Variants in NHSL2 observed in about 807,000 individuals in gnomAD.
The protein encoded by NHSL2 is NHS-like protein 2.
A neutral mutation model predicts 53.4 loss-of-function variants in NHSL2; 27 were observed. That is an observed-to-expected ratio of 0.51 (90% CI 0.37 to 0.70). The LOEUF (loss-of-function observed/expected upper bound fraction) is 0.70, where lower values mean the gene tolerates loss of function less well. NHSL2 is among the 30% of genes least tolerant of loss of function. The pLI, the probability that NHSL2 is intolerant of heterozygous loss-of-function variation, is 0.00. For missense variants in NHSL2, 892 were observed against 980.1 expected (o/e 0.91, Z 1.20); for synonymous variants, 408 against 404.1 (o/e 1.01, Z -0.12).
intron 1 of NHSL2, among the ~76,000 whole-genome samples, chrX:72,094,516 T>TA (rs1317398736): frequency 1.6e-4 from 16 of 102,170 alleles, no homozygotes; most frequent in African/African-American, 1.4e-4. Context: ...GTTCGTCATC[T>TA]AAAAAAAAAA....
rs372339206 is a variant in NHSL2, at chrX:72,139,282, C to G, written c.1734C>G (p.Val578=). 3.1e-5 allele frequency: 37 copies of G among 1,201,786 alleles called. No homozygotes were observed. The highest frequency in any genetic ancestry group is 4.0e-5 in the Non-Finnish European group (36 of 890,860). ...CACCCACACGCAGTGTCTCACTGGT[C>G]AAAGATGAGCCAGGCCTCTTGCCTG... ...PSPPTRSVSL[V]KDEPGLLPEG... is the part of the protein sequence containing the mutation. Residue 578 remains valine (V), a synonymous_variant, in exon 6 of 8, where the codon GTC becomes GTG. Transcript: ENST00000633930.
At chrX:71,952,745 G>A (rs73559851) in intron 1 of NHSL2, among the ~76,000 whole-genome samples, 2,625 of 110,741 alleles carry the variant, frequency 0.024, 62 homozygotes, top group African/African-American at 0.082. Flanking sequence ...TAGCAGACAC[G>A]TGTCTTCAGT....
chrX:72,055,204 C>T (rs1261075326), intron 1 of NHSL2, among the ~76,000 whole-genome samples: 1 of 112,106 alleles, frequency 8.9e-6, no homozygotes, highest in Non-Finnish European at 1.9e-5. Context: ...TGGAAAGTCC[C>T]TGCGCATCTA....
intron 1 of NHSL2, among the ~76,000 whole-genome samples, chrX:72,011,957 G>T (rs1185669835): frequency 9.0e-6 from 1 of 111,420 alleles, no homozygotes; most frequent in Non-Finnish European, 1.9e-5. Flanking sequence ...CCATTTTCTG[G>T]TTGAGTTGTT....
chrX:72,047,063 C>T (rs1416974728), intron 1 of NHSL2, among the ~76,000 whole-genome samples: 1 of 111,606 alleles, frequency 9.0e-6, no homozygotes, highest in Non-Finnish European at 1.9e-5. Context: ...CACACAATAG[C>T]TGTCATTCAC....
At chrX:72,103,735 G>C (rs1028061130) in intron 1 of NHSL2, among the ~76,000 whole-genome samples, 2 of 112,352 alleles carry the variant, frequency 1.8e-5, no homozygotes, top group Non-Finnish European at 3.8e-5. Context: ...ACTCAGACAG[G>C]GCCTGGGACT....
intron 1 of NHSL2, among the ~76,000 whole-genome samples, chrX:71,951,704 G>A (rs2041821740): frequency 1.8e-5 from 2 of 111,978 alleles, no homozygotes; most frequent in African/African-American, 6.5e-5. Flanking sequence ...AAACACTCTT[G>A]GACACTGGAT....
chrX:71,985,730 AT>A (rs1156789889), intron 1 of NHSL2, among the ~76,000 whole-genome samples: 1 of 112,769 alleles, frequency 8.9e-6, no homozygotes, highest in African/African-American at 3.2e-5. Flanking sequence ...AGGTCAGTCC[AT>A]TCAGTCAACT....
At chrX:71,970,031 G>A (rs1419277816) in intron 1 of NHSL2, among the ~76,000 whole-genome samples, 2 of 111,939 alleles carry the variant, frequency 1.8e-5, no homozygotes, top group South Asian at 7.4e-4. Context: ...ATCAGCGTGT[G>A]GTTTTGGCCC....
chrX:72,144,621 G>A lies in NHSL2; in HGVS notation c.*1047G>A. 3.5e-6 allele frequency: 3 copies of A among 846,749 alleles called. No individual in the cohort carries two copies. The highest frequency in any genetic ancestry group is 4.9e-6 in the Non-Finnish European group (3 of 616,638). The allele number at this position is 846,749 out of a possible 1,213,427, so 69.8% of individuals were successfully genotyped here. A position where few individuals can be genotyped will look rare whatever the true frequency, so the allele number is the denominator to read the frequency against. ...TTTTGTTTAAAGGAAGTCCGACTCT[G>A]TTCCAAAAACCAAGAACATATAAAC... On this transcript the variant is annotated 3_prime_UTR_variant, in exon 8 of 8. Transcript: ENST00000633930.
intron 1 of NHSL2, among the ~76,000 whole-genome samples, chrX:71,992,555 G>A (rs2042031982): frequency 8.9e-6 from 1 of 112,498 alleles, no homozygotes; most frequent in South Asian, 3.7e-4. Context: ...AGTACTGTTT[G>A]TCAAAGTCAA....
intron 1 of NHSL2, among the ~76,000 whole-genome samples, chrX:71,958,327 C>T (rs1054798935): frequency 1.8e-5 from 2 of 111,596 alleles, no homozygotes; most frequent in African/African-American, 6.5e-5. Flanking sequence ...GCTAGCTAGC[C>T]CAAACCAGAA....
intron 1 of NHSL2, among the ~76,000 whole-genome samples, chrX:72,051,697 A>T (rs973212866): frequency 5.4e-5 from 6 of 111,822 alleles, no homozygotes; most frequent in African/African-American, 1.3e-4. Context: ...GATCCAGGCA[A>T]CCTTTCCAAC....
rs550841951 is a variant in NHSL2 at position 72,142,844 on chromosome X, T to C, written c.3357-409T>C. 3.3e-4 allele frequency among the ~76,000 whole-genome samples: 37 copies of C among 111,877 alleles called. No individual in the cohort carries two copies. The South Asian group carries it at 0.014, about 42-fold the overall frequency. On this transcript the variant is annotated intron_variant, in intron 7 of 7. Coordinates refer to ENST00000633930, the MANE Select transcript of NHSL2 (RefSeq NM_001013627.3). ...AGAGGAACCAGATGGGGACCAGTTA[T>C]TGGACAGGGTTACAAGGCAGGGGTT...
At chrX:72,131,582 G>C (rs1463944415) in intron 1 of NHSL2, 2 of 1,131,756 alleles carry the variant, frequency 1.8e-6, no homozygotes, top group African/African-American at 1.8e-5. Context: ...GGTGGGGAAA[G>C]GGGAACTGGA....
intron 1 of NHSL2, among the ~76,000 whole-genome samples, chrX:71,922,412 T>C (rs1408322914): frequency 8.9e-6 from 1 of 112,006 alleles, no homozygotes; most frequent in Non-Finnish European, 1.9e-5. Context: ...GGGGGCACTT[T>C]TGGCATCCCT....
intron 1 of NHSL2, among the ~76,000 whole-genome samples, chrX:72,032,472 G>A (rs1242280422): frequency 9.0e-6 from 1 of 111,401 alleles, no homozygotes; most frequent in Non-Finnish European, 1.9e-5. Context: ...CTACCTCTTG[G>A]TATTTGTACC....
Position 71,967,281 on chromosome X carries a change from G to A in NHSL2, c.280+55914G>A, listed in dbSNP as rs367618644. Among the ~76,000 whole-genome samples, 45 of 111,039 alleles carry A rather than the reference G, an allele frequency of 4.1e-4. No individual in the cohort carries two copies. In the South Asian group the frequency reaches 0.015, roughly 38 times the overall value. On this transcript the variant is annotated intron_variant, in intron 1 of 7. Coordinates refer to ENST00000633930, the MANE Select transcript of NHSL2 (RefSeq NM_001013627.3). ...TTTCTCCAATGATTTTCTGCTTTTG[G>A]TTTCATTGATTTCTGCCCTAATTTT...
chrX:72,051,590 C>T (rs2042340808), intron 1 of NHSL2, among the ~76,000 whole-genome samples: 1 of 111,257 alleles, frequency 9.0e-6, no homozygotes, highest in South Asian at 3.8e-4. Flanking sequence ...CTTGCTTCTC[C>T]TACCTCACTG....
Sources: allele counts gnomAD v4.1 joint callset (sites outside exome capture counted in the v4.1 genomes callset), GRCh38; gene constraint gnomAD v4.1.1; transcripts MANE v1.5; gene names NCBI Gene and HGNC (gene_info 2026-07-23, HGNC 2026-07-21).